TRAPPC9: variants seen among roughly 807,000 people sequenced by gnomAD.
TRAPPC9 encodes the protein IKK2 binding protein.
TRAPPC9 carries 83 observed loss-of-function variants against 124.0 expected under a neutral mutation model. The ratio of observed to expected loss-of-function variants is 0.67; its 90% confidence interval spans 0.56 to 0.80. TRAPPC9 has a LOEUF of 0.80. TRAPPC9 is among the 30% of genes least tolerant of loss of function. The pLI is 0.00. For synonymous variants in TRAPPC9, 638 were observed against 617.5 expected, an observed-to-expected ratio of 1.03 and a Z score of -0.49; for missense variants, 1,302 against 1,508.3, an observed-to-expected ratio of 0.86 and a Z score of 2.27.
intron 21 of TRAPPC9, among the ~76,000 whole-genome samples, chr8:139,830,056 A>G (rs918217633): frequency 6.6e-6 from 1 of 152,238 alleles, no homozygotes; most frequent in African/African-American, 2.4e-5. Flanking sequence ...CAAATACTCC[A>G]TTAGCATAAG....
rs1191034420 is a variant in TRAPPC9, at chr8:139,804,697, CCCA to C, written c.3056-72498_3056-72496del. Among the ~76,000 whole-genome samples the C allele has an allele frequency of 2.3e-5, 3 of 130,938 alleles. 1 individual carries two copies. The highest frequency in any genetic ancestry group is 9.0e-5 in the African/African-American group (3 of 33,182). The allele number at this position is 130,938 out of a possible 152,430, so 85.9% of individuals were successfully genotyped here. ...CCACCACCACACACAACCACCACCACCCACCACCACCACCCACCACCGGCACCA... is the reference window on the plus strand; with the variant it reads ...CCACCACCACACACAACCACCACCACCCACCACCACCCACCACCGGCACCA... On this transcript the variant is annotated intron_variant, in intron 21 of 22. Coordinates refer to ENST00000438773, the MANE Select transcript of TRAPPC9 (RefSeq NM_001160372.4).
intron 20 of TRAPPC9, among the ~76,000 whole-genome samples, chr8:139,888,877 T>C (rs2131137796): frequency 6.6e-6 from 1 of 152,332 alleles, no homozygotes; most frequent in Middle Eastern, 3.4e-3. Context: ...TTTAGGGTTA[T>C]GGAGCTGACT....
intron 8 of TRAPPC9, among the ~76,000 whole-genome samples, chr8:140,364,616 T>C (rs571101883): frequency 6.6e-6 from 1 of 152,198 alleles, no homozygotes; most frequent in South Asian, 2.1e-4. Flanking sequence ...GGAGTCTCGC[T>C]GTCACCCAGG....
intron 21 of TRAPPC9, among the ~76,000 whole-genome samples, chr8:139,793,302 C>A (rs755689242): frequency 6.6e-6 from 1 of 152,210 alleles, no homozygotes; most frequent in Admixed American, 6.5e-5. Context: ...AGTGCCCACC[C>A]CGGCTGTGCC....
At chr8:140,372,049 C>T (rs1038777375) in intron 7 of TRAPPC9, among the ~76,000 whole-genome samples, 2 of 152,218 alleles carry the variant, frequency 1.3e-5, no homozygotes, top group African/African-American at 2.4e-5. Context: ...GCAGACTTAA[C>T]GTACCTGATT....
intron 17 of TRAPPC9, among the ~76,000 whole-genome samples, chr8:140,211,633 C>T (rs1296839101): frequency 6.6e-6 from 1 of 152,170 alleles, no homozygotes; most frequent in African/African-American, 2.4e-5. Context: ...GCTAAAGTAA[C>T]GTATTTTACA....
chr8:139,978,501 A>G (rs1836642797), intron 19 of TRAPPC9, among the ~76,000 whole-genome samples: 1 of 152,238 alleles, frequency 6.6e-6, no homozygotes, highest in African/African-American at 2.4e-5. Flanking sequence ...TACAGATGAA[A>G]TAATATGATT....
At chr8:140,394,990 T>A (rs1458027218) in intron 7 of TRAPPC9, among the ~76,000 whole-genome samples, 1 of 152,152 alleles carries the variant, frequency 6.6e-6, no homozygotes, top group Non-Finnish European at 1.5e-5. Flanking sequence ...AGAAGTATGA[T>A]CCAGCTGTTG....
At chr8:140,359,998 G>T (rs1234784949) in intron 9 of TRAPPC9, 52 bp downstream of exon 9, 13 of 1,612,018 alleles carry the variant, frequency 8.1e-6, no homozygotes, top group Non-Finnish European at 1.1e-5. Context: ...CATCTAAAGT[G>T]CTCTCATTCA....
intron 21 of TRAPPC9, among the ~76,000 whole-genome samples, chr8:139,802,813 G>A (rs1286615959): frequency 1.3e-5 from 2 of 152,168 alleles, no homozygotes; most frequent in African/African-American, 4.8e-5. Flanking sequence ...TTAGCGGGGT[G>A]TGGAATGTGA....
chr8:140,186,801 A>G (rs2062363907), intron 17 of TRAPPC9, among the ~76,000 whole-genome samples: 1 of 152,228 alleles, frequency 6.6e-6, no homozygotes, highest in Non-Finnish European at 1.5e-5. Context: ...ACTTGCCCTC[A>G]GGTGCAGAAT....
chr8:140,439,830 C>T (rs959381811), intron 2 of TRAPPC9, among the ~76,000 whole-genome samples: 1 of 151,540 alleles, frequency 6.6e-6, no homozygotes, highest in South Asian at 2.1e-4. Context: ...ATACATCTAA[C>T]CTTTAAATGT....
chr8:140,018,221 G>A (rs913841074), intron 18 of TRAPPC9, among the ~76,000 whole-genome samples: 9 of 151,832 alleles, frequency 5.9e-5, no homozygotes, highest in African/African-American at 1.7e-4. Context: ...AAGATTTGTA[G>A]AAATGTTTTC....
At chr8:140,303,940 C>T (rs1054035651) in intron 10 of TRAPPC9, among the ~76,000 whole-genome samples, 6 of 152,114 alleles carry the variant, frequency 3.9e-5, no homozygotes, top group Non-Finnish European at 5.9e-5. Flanking sequence ...TTATGTTTAA[C>T]GATTCTATAT....
Position 140,023,981 on chromosome 8 carries a change from C to G in TRAPPC9, c.2655G>C (p.Glu885Asp). The change falls in exon 18 of 23, where the codon GAG becomes GAC. Residue 885 changes from glutamate to aspartate, a missense_variant. By Grantham distance (45) the Glu-to-Asp change is conservative. This residue lies in a region of TRAPPC9 where 640 missense variants were observed against 679.3 expected (regional missense o/e 0.94). Coordinates refer to ENST00000438773, the MANE Select transcript of TRAPPC9 (RefSeq NM_001160372.4). ...TGACTCGGGTGAAAAATACAGACGG[C>G]TCGACTTCTACATGCAGCCCCAGGG... ...NLSLGLHVEV[E>D]PSVFFTRVST... The G allele has an allele frequency of 6.2e-7, 1 of 1,614,118 alleles. No individual in the cohort carries two copies. Among genetic ancestry groups the G allele is most frequent in the Non-Finnish European group, 8.5e-7 (1 of 1,180,004 alleles).
chr8:140,374,483 T>C (rs576776287), intron 7 of TRAPPC9, among the ~76,000 whole-genome samples: 1 of 152,082 alleles, frequency 6.6e-6, no homozygotes, highest in South Asian at 2.1e-4. Context: ...AGCAGAAGAA[T>C]TGCTTGAACC....
chr8:140,418,779 CA>C (rs1274011951), intron 5 of TRAPPC9, among the ~76,000 whole-genome samples: 3 of 144,344 alleles, frequency 2.1e-5, no homozygotes, highest in Non-Finnish European at 4.6e-5. Context: ...GATAGACAGA[CA>C]GACAGACAGA....
intron 16 of TRAPPC9, 146 bp from the exon 17 acceptor site, chr8:140,221,729 C>T: frequency 1.7e-6 from 2 of 1,149,650 alleles, no homozygotes; most frequent in Non-Finnish European, 2.5e-6. Flanking sequence ...CCTTTGCCTC[C>T]TGGGCTCTGG....
In TRAPPC9 at chr8:140,311,285, G is replaced by C. The variant is rs2066289397; in HGVS notation, c.1585C>G (p.Leu529Val). The change falls in exon 10 of 23, where the codon CTG becomes GTG. Residue 529 changes from leucine to valine, a missense_variant. Transcript: ENST00000438773. Reference sequence around the variant, plus strand: ...AGCTTGGTGAAGGGCACCGGTGGCAGGGTGAGGCCGCCAGGGAGGGCGATG... The same window carrying C: ...AGCTTGGTGAAGGGCACCGGTGGCACGGTGAGGCCGCCAGGGAGGGCGATG... ...EPIALPGGLT[L>V]PPVPFTKLPI... The C allele has an allele frequency of 6.2e-7, 1 of 1,613,368 alleles. No individual in the cohort carries two copies. The highest frequency in any genetic ancestry group is 1.1e-5 in the South Asian group (1 of 91,090).
Sources: allele counts gnomAD v4.1 joint callset (sites outside exome capture counted in the v4.1 genomes callset), GRCh38; gene constraint gnomAD v4.1.1; regional missense constraint gnomAD v4.1.1; transcripts MANE v1.5; gene names NCBI Gene and HGNC (gene_info 2026-07-23, HGNC 2026-07-21).